L3MBTL4: variants seen among roughly 807,000 people sequenced by gnomAD.
L3MBTL4 encodes lethal(3)malignant brain tumor-like protein 4.
In L3MBTL4, 70 loss-of-function variants were observed where a neutral mutation model predicts 84.5. The observed-to-expected ratio is 0.83, with a 90% CI of 0.68 to 1.01. The LOEUF is 1.01. L3MBTL4 is among the 50% of genes least tolerant of loss of function. The pLI is 0.00. For synonymous variants in L3MBTL4, 274 were observed against 259.8 expected, an observed-to-expected ratio of 1.05 and a Z score of -0.52; for missense variants, 715 against 754.8, an observed-to-expected ratio of 0.95 and a Z score of 0.62.
intron 1 of L3MBTL4, among the ~76,000 whole-genome samples, chr18:6,313,611 G>A (rs1243166804): frequency 2.0e-5 from 3 of 152,092 alleles, no homozygotes; most frequent in African/African-American, 7.2e-5. Flanking sequence ...TGCCTGTAGC[G>A]AAGTATTATT....
intron 10 of L3MBTL4, among the ~76,000 whole-genome samples, chr18:6,233,075 A>AT (rs1228186825): frequency 6.6e-6 from 1 of 152,146 alleles, no homozygotes; most frequent in East Asian, 1.9e-4. Flanking sequence ...AAACCACATG[A>AT]TTATCTCAAT....
intron 3 of L3MBTL4, among the ~76,000 whole-genome samples, chr18:6,308,777 C>T (rs567438194): frequency 3.3e-5 from 5 of 151,886 alleles, no homozygotes; most frequent in African/African-American, 4.8e-5. Flanking sequence ...TGTAGACATA[C>T]GAGAAACTGT....
chr18:6,105,704 C>G (rs1479835240), intron 14 of L3MBTL4, among the ~76,000 whole-genome samples: 4 of 151,086 alleles, frequency 2.6e-5, no homozygotes, highest in Non-Finnish European at 5.9e-5. Context: ...GGAGGCTAAG[C>G]CTGGAGAATC....
intron 17 of L3MBTL4, among the ~76,000 whole-genome samples, chr18:5,968,711 T>C (rs1439097458): frequency 6.7e-5 from 10 of 148,412 alleles, no homozygotes; most frequent in African/African-American, 2.5e-4. Flanking sequence ...TAAAATAAAA[T>C]AAAATAAAAT....
chr18:6,298,944 T>TG (rs1366736605), intron 4 of L3MBTL4, among the ~76,000 whole-genome samples: 1 of 152,126 alleles, frequency 6.6e-6, no homozygotes, highest in African/African-American at 2.4e-5. Context: ...ACTAATACTG[T>TG]GTTAGTTAAA....
chr18:6,237,132 TG>T (rs1743532587), intron 10 of L3MBTL4, among the ~76,000 whole-genome samples: 2 of 152,130 alleles, frequency 1.3e-5, no homozygotes, highest in African/African-American at 4.8e-5. Flanking sequence ...ATTTCTGTAA[TG>T]AAAAAAATAA....
intron 16 of L3MBTL4, among the ~76,000 whole-genome samples, chr18:5,979,843 T>C (rs1169749774): frequency 6.6e-6 from 1 of 152,186 alleles, no homozygotes; most frequent in African/African-American, 2.4e-5. Context: ...TATTGTCAGA[T>C]TTATCTCAAA....
At chr18:6,141,529 C>T (rs1265128993) in intron 13 of L3MBTL4, among the ~76,000 whole-genome samples, 7 of 152,170 alleles carry the variant, frequency 4.6e-5, no homozygotes, top group Non-Finnish European at 8.8e-5. Context: ...CTTCTTCTCC[C>T]GTAGAGCAGC....
intron 1 of L3MBTL4, among the ~76,000 whole-genome samples, chr18:6,321,495 AC>A (rs1367360405): frequency 6.6e-6 from 1 of 152,190 alleles, no homozygotes; most frequent in Non-Finnish European, 1.5e-5. Context: ...TCTATGGAAA[AC>A]ACTATGGAGA....
intron 13 of L3MBTL4, among the ~76,000 whole-genome samples, chr18:6,155,597 A>G (rs991774563): frequency 2.6e-5 from 4 of 152,252 alleles, no homozygotes; most frequent in African/African-American, 7.2e-5. Context: ...AGTGAAACTT[A>G]CTGCTTTGCT....
chr18:6,190,874 T>C (rs1018902804), intron 12 of L3MBTL4, among the ~76,000 whole-genome samples: 1 of 152,062 alleles, frequency 6.6e-6, no homozygotes, highest in Non-Finnish European at 1.5e-5. Context: ...GGAAGAATAT[T>C]ACAGCCAAAG....
At chr18:6,079,141 C>T (rs12454235) in intron 16 of L3MBTL4, among the ~76,000 whole-genome samples, 39,215 of 151,992 alleles carry the variant, frequency 0.26, 5,398 homozygotes, top group Admixed American at 0.35. Flanking sequence ...GGCTACAGAC[C>T]GGTCTGTAGC....
chr18:6,091,869 G>A (rs1483649066), intron 15 of L3MBTL4, among the ~76,000 whole-genome samples: 3 of 152,158 alleles, frequency 2.0e-5, no homozygotes, highest in Non-Finnish European at 2.9e-5. Flanking sequence ...AAGGGCGAAC[G>A]GATGTACTGG....
In L3MBTL4 at chr18:6,070,512, CAAA is replaced by C. The variant is rs35237218; in HGVS notation, c.1444+10366_1444+10368del. 4.2e-4 allele frequency among the ~76,000 whole-genome samples: 56 copies of C among 132,582 alleles called. 1 individual carries two copies. The highest frequency in any genetic ancestry group is 1.4e-3 in the African/African-American group (54 of 37,628). 87.0% of individuals were successfully genotyped at this position (132,582 alleles called of 152,430 possible). A position where few individuals can be genotyped will look rare whatever the true frequency, so the allele number is the denominator to read the frequency against. ...ATTTCTGGACAAAGAAAAACTTACT[CAAA>C]AAAAAAAAAAAAATCAGCTAGGCCA... On this transcript the variant is annotated intron_variant, in intron 16 of 18. Coordinates refer to ENST00000317931, the MANE Select transcript of L3MBTL4 (RefSeq NM_001330559.2).
At chr18:6,329,123 C>CTG (rs1329402826) in intron 1 of L3MBTL4, among the ~76,000 whole-genome samples, 1 of 146,442 alleles carries the variant, frequency 6.8e-6, no homozygotes. Flanking sequence ...TAGATGACTT[C>CTG]TGTTTCTTTT....
intron 10 of L3MBTL4, among the ~76,000 whole-genome samples, chr18:6,227,990 C>T (rs1373578443): frequency 2.0e-5 from 3 of 152,114 alleles, no homozygotes; most frequent in Non-Finnish European, 4.4e-5. Context: ...TCAAAACTGA[C>T]ACATAATAGT....
intron 17 of L3MBTL4, among the ~76,000 whole-genome samples, chr18:5,968,154 T>C (rs965551640): frequency 6.6e-6 from 1 of 152,226 alleles, no homozygotes; most frequent in African/African-American, 2.4e-5. Flanking sequence ...TTAAGCTGAC[T>C]GAAGTAAGTG....
intron 12 of L3MBTL4, among the ~76,000 whole-genome samples, chr18:6,172,273 A>G (rs2044010602): frequency 6.6e-6 from 1 of 152,200 alleles, no homozygotes; most frequent in Non-Finnish European, 1.5e-5. Context: ...GTCCTGAGCG[A>G]CTGTCCTATT....
At chr18:6,189,778 G>C (rs1338059836) in intron 12 of L3MBTL4, among the ~76,000 whole-genome samples, 2 of 151,924 alleles carry the variant, frequency 1.3e-5, no homozygotes, top group Non-Finnish European at 2.9e-5. Context: ...ACTGAAAATA[G>C]CAGAAAAAAA....
Sources: gnomAD v4.1 joint callset for allele counts (sites outside exome capture counted in the v4.1 genomes callset) on GRCh38, gnomAD v4.1.1 for gene constraint, MANE v1.5 for transcripts, NCBI Gene and HGNC (gene_info 2026-07-23, HGNC 2026-07-21) for gene names.